Variants in SUPT3H observed in about 807,000 individuals in gnomAD.
The protein encoded by SUPT3H is transcription initiation protein SPT3 homolog.
In SUPT3H, 44 loss-of-function variants were observed where a neutral mutation model predicts 44.3. That is an observed-to-expected ratio of 0.99 (90% CI 0.78 to 1.28). The LOEUF (loss-of-function observed/expected upper bound fraction) is 1.28, where lower values mean the gene tolerates loss of function less well. SUPT3H is among the 50% of genes most tolerant of loss of function. The probability of loss-of-function intolerance (pLI) is 0.00; values close to 1 mark genes in which losing one functional copy is unlikely to be tolerated. For missense variants in SUPT3H, 380 were observed against 387.1 expected (o/e 0.98, Z 0.15); for synonymous variants, 124 against 125.6 (o/e 0.99, Z 0.09).
intron 5 of SUPT3H, among the ~76,000 whole-genome samples, chr6:45,007,193 T>C (rs944417132): frequency 5.3e-5 from 8 of 152,244 alleles, no homozygotes; most frequent in African/African-American, 1.2e-4. Context: ...AATTCCTTTT[T>C]TGGAGGTAGA....
chr6:45,284,624 T>C (rs768890466), intron 2 of SUPT3H, among the ~76,000 whole-genome samples: 183 of 152,128 alleles, frequency 1.2e-3, no homozygotes, highest in Non-Finnish European at 2.4e-3. Flanking sequence ...CCAAAAAAAG[T>C]CCAGTACCAG....
chr6:45,204,246 CAAAAAAGAAGAA>C (rs1762856971), intron 2 of SUPT3H, among the ~76,000 whole-genome samples: 1 of 17,510 alleles, frequency 5.7e-5, no homozygotes. Flanking sequence ...GATTCCGTCT[CAAAAAAGAAGAA>C]GAAGAAGAAG....
chr6:45,217,690 A>C (rs563565110), intron 2 of SUPT3H, among the ~76,000 whole-genome samples: 1 of 152,280 alleles, frequency 6.6e-6, no homozygotes, highest in African/African-American at 2.4e-5. Context: ...CAGGAGTTCA[A>C]GACCAGTCTG....
intron 2 of SUPT3H, among the ~76,000 whole-genome samples, chr6:45,296,515 G>T (rs151086508): frequency 0.011 from 1,720 of 152,038 alleles, 14 homozygotes; most frequent in Non-Finnish European, 0.019. Context: ...AAGGTGGGCA[G>T]ATTACCTGAG....
At chr6:44,867,964 T>TA (rs1217395184) in intron 10 of SUPT3H, among the ~76,000 whole-genome samples, 1 of 45,234 alleles carries the variant, frequency 2.2e-5, no homozygotes, top group African/African-American at 4.0e-5. Context: ...ACCATTTTGG[T>TA]ATTTTTTTTT....
At chr6:45,022,571 T>C (rs1417832668) in intron 3 of SUPT3H, among the ~76,000 whole-genome samples, 2 of 152,070 alleles carry the variant, frequency 1.3e-5, no homozygotes, top group Admixed American at 1.3e-4. Context: ...CATAATATCC[T>C]TACTAGGACT....
At chr6:45,190,563 G>T (rs890332462) in intron 2 of SUPT3H, among the ~76,000 whole-genome samples, 1 of 152,054 alleles carries the variant, frequency 6.6e-6, no homozygotes, top group Non-Finnish European at 1.5e-5. Context: ...GAGTTGTGAG[G>T]AGACCCATCA....
At chr6:45,057,398 G>C (rs1791294812) in intron 3 of SUPT3H, among the ~76,000 whole-genome samples, 1 of 151,770 alleles carries the variant, frequency 6.6e-6, no homozygotes, top group Non-Finnish European at 1.5e-5. Flanking sequence ...GAAAAATCAA[G>C]ATTTTTTTCT....
rs543683461 is a variant in SUPT3H at position 45,087,789 on chromosome 6, A to G, written c.186+18133T>C. Among the ~76,000 whole-genome samples the G allele has an allele frequency of 1.8e-3, 280 of 151,996 alleles. 1 individual carries two copies. Among genetic ancestry groups the G allele is most frequent in the African/African-American group, 6.2e-3 (259 of 41,520 alleles). ...CACCTCCCTCAAACTCCACATTACT[A>G]TGTACTTATGAAATCATGTATTTTT... is the stretch of plus-strand genomic sequence containing the variant. On this transcript the variant is annotated intron_variant, in intron 3 of 10. Coordinates refer to ENST00000371459, the MANE Select transcript of SUPT3H (RefSeq NM_003599.4).
At chr6:45,151,573 A>G (rs1289178082) in intron 2 of SUPT3H, among the ~76,000 whole-genome samples, 1 of 152,206 alleles carries the variant, frequency 6.6e-6, no homozygotes, top group Admixed American at 6.6e-5. Context: ...TTAGAAACAG[A>G]AAGTTAACTG....
chr6:45,253,038 T>G (rs1481954107), intron 2 of SUPT3H, among the ~76,000 whole-genome samples: 5 of 151,872 alleles, frequency 3.3e-5, no homozygotes, highest in Non-Finnish European at 4.4e-5. Context: ...TTACCTAGCA[T>G]GACATCGAAG....
chr6:45,251,469 A>C (rs976285176), intron 2 of SUPT3H, among the ~76,000 whole-genome samples: 66 of 152,068 alleles, frequency 4.3e-4, no homozygotes, highest in African/African-American at 1.5e-3. Context: ...AGTAAGACTG[A>C]AAATTTGCTG....
intron 4 of SUPT3H, among the ~76,000 whole-genome samples, chr6:45,017,881 A>G (rs1255324404): frequency 2.1e-5 from 3 of 145,138 alleles, no homozygotes; most frequent in Non-Finnish European, 4.5e-5. Context: ...AATTCTGTGA[A>G]GAAAGTCATT....
intron 9 of SUPT3H, among the ~76,000 whole-genome samples, chr6:44,942,035 A>G (rs979197556): frequency 5.3e-5 from 8 of 152,202 alleles, no homozygotes; most frequent in East Asian, 3.8e-4. Flanking sequence ...TTGTTGTAAA[A>G]TAACTCCAAT....
intron 2 of SUPT3H, among the ~76,000 whole-genome samples, chr6:45,199,523 C>T (rs1762138398): frequency 6.6e-6 from 1 of 151,018 alleles, no homozygotes; most frequent in South Asian, 2.1e-4. Flanking sequence ...ATAAAGAATA[C>T]AGCAAAAATA....
intron 3 of SUPT3H, among the ~76,000 whole-genome samples, chr6:45,097,213 A>T (rs1352707441): frequency 2.0e-5 from 3 of 152,180 alleles, no homozygotes; most frequent in African/African-American, 4.8e-5. Context: ...CTCTTCCTCA[A>T]ATATGAGGTG....
At chr6:45,158,597 A>G (rs370337076) in intron 2 of SUPT3H, among the ~76,000 whole-genome samples, 2 of 116,276 alleles carry the variant, frequency 1.7e-5, no homozygotes, top group African/African-American at 8.0e-5. Context: ...CTGCTAAGGA[A>G]GGGATGACTT....
chr6:45,284,733 A>C (rs556510145), intron 2 of SUPT3H, among the ~76,000 whole-genome samples: 66 of 152,356 alleles, frequency 4.3e-4, no homozygotes, highest in African/African-American at 1.4e-3. Context: ...AATCCTCCCT[A>C]ACTCATTTTA....
At chr6:44,884,235 G>A (rs542859639) in intron 10 of SUPT3H, among the ~76,000 whole-genome samples, 9 of 152,118 alleles carry the variant, frequency 5.9e-5, no homozygotes, top group Non-Finnish European at 1.2e-4. Flanking sequence ...ACATTTATGC[G>A]GCCAACAAAC....
Sources: allele counts gnomAD v4.1 joint callset (sites outside exome capture counted in the v4.1 genomes callset), GRCh38; gene constraint gnomAD v4.1.1; transcripts MANE v1.5; gene names NCBI Gene and HGNC (gene_info 2026-07-23, HGNC 2026-07-21).